The following CSMD1 variants were observed in gnomAD, a reference collection of about 807,000 sequenced individuals.
CSMD1 encodes the protein CUB and sushi domain-containing protein 1.
A neutral mutation model predicts 417.5 loss-of-function variants in CSMD1; 213 were observed. The observed-to-expected ratio is 0.51, with a 90% confidence interval of 0.46 to 0.57. The LOEUF (loss-of-function observed/expected upper bound fraction) is 0.57. CSMD1 is among the 20% of genes least tolerant of loss of function. The pLI is 0.00. For missense variants in CSMD1, 6,923 were observed against 4,529.7 expected, an observed-to-expected ratio of 1.53 and a Z score of -15.17; for synonymous variants, 2,862 against 1,736.8, an observed-to-expected ratio of 1.65 and a Z score of -16.11.
chr8:3,792,796 A>G (rs1456586348), intron 5 of CSMD1, among the ~76,000 whole-genome samples: 1 of 152,214 alleles, frequency 6.6e-6, no homozygotes, highest in Admixed American at 6.5e-5. Flanking sequence ...TTTAAGGCAT[A>G]TATTGATAAT....
intron 33 of CSMD1, among the ~76,000 whole-genome samples, chr8:3,195,842 A>C (rs1048595797): frequency 1.3e-5 from 2 of 152,218 alleles, no homozygotes; most frequent in African/African-American, 4.8e-5. Context: ...GTCTTCAAGA[A>C]AGCTTGCTAA....
intron 2 of CSMD1, among the ~76,000 whole-genome samples, chr8:4,428,682 A>C (rs143329111): frequency 2.6e-5 from 4 of 152,194 alleles, no homozygotes; most frequent in African/African-American, 9.6e-5. Context: ...TGTCATATTA[A>C]TAATCCAGGG....
intron 1 of CSMD1, among the ~76,000 whole-genome samples, chr8:4,964,152 T>C (rs865823477): frequency 6.6e-6 from 1 of 152,160 alleles, no homozygotes; most frequent in Middle Eastern, 3.4e-3. Context: ...TTCCAAAGAC[T>C]TCAGGACCAA....
In CSMD1 at chr8:3,384,979, G is replaced by C. The variant is rs1220637193; in HGVS notation, c.2782+2515C>G. Among the ~76,000 whole-genome samples, 6 of 111,612 alleles carry C rather than the reference G, an allele frequency of 5.4e-5. No individual in the cohort carries two copies. In the Admixed American group the frequency reaches 5.7e-4, roughly 11 times the overall value. The allele number at this position is 111,612 out of a possible 152,430, so 73.2% of individuals were successfully genotyped here. A position where few individuals can be genotyped will look rare whatever the true frequency, so the allele number is the denominator to read the frequency against. On this transcript the variant is annotated intron_variant, in intron 18 of 69. Coordinates refer to ENST00000635120, the MANE Select transcript of CSMD1 (RefSeq NM_033225.6). ...AATATATAATATATATGCATATATAGCATATATAATACATATGCTATTTAT... is the reference window on the plus strand; with the variant it reads ...AATATATAATATATATGCATATATACCATATATAATACATATGCTATTTAT...
chr8:3,345,186 C>G (rs1249545780), intron 22 of CSMD1, among the ~76,000 whole-genome samples: 2 of 152,180 alleles, frequency 1.3e-5, no homozygotes, highest in African/African-American at 2.4e-5. Flanking sequence ...TTCATCCGCT[C>G]TCCTGAATCT....
chr8:4,153,898 T>C (rs1289729406), intron 3 of CSMD1, among the ~76,000 whole-genome samples: 1 of 152,234 alleles, frequency 6.6e-6, no homozygotes. Context: ...CATCTCAGAT[T>C]CCATCATCTA....
chr8:4,980,830 G>C (rs1030515942), intron 1 of CSMD1, among the ~76,000 whole-genome samples: 7 of 152,000 alleles, frequency 4.6e-5, no homozygotes, highest in African/African-American at 1.7e-4. Flanking sequence ...CTTGATCCCA[G>C]GAAGTTGAGG....
rs185245027 is a variant in CSMD1 at position 4,376,602 on chromosome 8, T to A, written c.415+43351A>T. On this transcript the variant is annotated intron_variant, in intron 3 of 69. Transcript: ENST00000635120. ...TACAACATTGAGTTAGTCTGACAAT[T>A]TTTAGGGGGGAATTAAATAATATTT... Among the ~76,000 whole-genome samples the A allele has an allele frequency of 4.6e-5, 7 of 150,884 alleles. No individual in the cohort carries two copies. The East Asian group carries it at 1.4e-3, about 29-fold the overall frequency.
At chr8:4,097,094 G>A (rs1336501315) in intron 3 of CSMD1, among the ~76,000 whole-genome samples, 1 of 152,196 alleles carries the variant, frequency 6.6e-6, no homozygotes, top group Middle Eastern at 3.4e-3. Context: ...ACAAAAAGAA[G>A]CACGGCTGTG....
intron 7 of CSMD1, among the ~76,000 whole-genome samples, chr8:3,687,673 G>A (rs1030809245): frequency 6.6e-6 from 1 of 152,192 alleles, no homozygotes; most frequent in African/African-American, 2.4e-5. Context: ...CTAGGACCGA[G>A]GCTCCCTGAG....
intron 33 of CSMD1, among the ~76,000 whole-genome samples, chr8:3,190,702 A>G (rs1282682633): frequency 6.6e-6 from 1 of 152,246 alleles, no homozygotes; most frequent in Non-Finnish European, 1.5e-5. Flanking sequence ...TCATTGTAGC[A>G]TTCTTCAAAA....
At chr8:4,388,465 C>T (rs1205705262) in intron 3 of CSMD1, among the ~76,000 whole-genome samples, 1 of 151,198 alleles carries the variant, frequency 6.6e-6, no homozygotes, top group Non-Finnish European at 1.5e-5. Flanking sequence ...GAAAAACAAA[C>T]ATCATATGTT....
chr8:3,748,288 T>C (rs923114434), intron 6 of CSMD1, among the ~76,000 whole-genome samples: 1 of 152,206 alleles, frequency 6.6e-6, no homozygotes, highest in African/African-American at 2.4e-5. Flanking sequence ...TTAAGAATTA[T>C]TTAAAGGTTA....
At chr8:3,706,124 T>A (rs13275720) in intron 7 of CSMD1, among the ~76,000 whole-genome samples, 5 of 152,298 alleles carry the variant, frequency 3.3e-5, no homozygotes, top group Non-Finnish European at 7.3e-5. Context: ...CCCCGTGTGG[T>A]TCACTTCCCT....
chr8:3,429,582 G>T (rs1393846), intron 12 of CSMD1, among the ~76,000 whole-genome samples: 15,388 of 152,194 alleles, frequency 0.1, 833 homozygotes, highest in Middle Eastern at 0.19. Flanking sequence ...CACTCTGGGA[G>T]GGGTCAACAA....
In CSMD1 at chr8:4,693,384, G is replaced by A. The variant is rs374884029; in HGVS notation, c.86-55826C>T. ...AGTAGAGTGGAGAAAACAGCTGGAT[G>A]GTAGGAGGACTTCCTGGAGGTGTGT... is the stretch of plus-strand genomic sequence containing the variant. On this transcript the variant is annotated intron_variant, in intron 1 of 69. Coordinates refer to ENST00000635120, the MANE Select transcript of CSMD1 (RefSeq NM_033225.6). Among the ~76,000 whole-genome samples the A allele has an allele frequency of 1.9e-3, 295 of 152,306 alleles. 2 individuals are homozygous for A. Among genetic ancestry groups the A allele is most frequent in the African/African-American group, 6.0e-3 (251 of 41,568 alleles).
intron 3 of CSMD1, among the ~76,000 whole-genome samples, chr8:4,343,294 T>C (rs1249543589): frequency 1.3e-5 from 2 of 152,136 alleles, no homozygotes; most frequent in South Asian, 2.1e-4. Flanking sequence ...TAGAGAGATA[T>C]TGGCCAAAGG....
intron 3 of CSMD1, among the ~76,000 whole-genome samples, chr8:4,226,841 C>T (rs534651430): frequency 3.3e-5 from 5 of 152,168 alleles, no homozygotes; most frequent in Non-Finnish European, 5.9e-5. Flanking sequence ...AATGCAAATG[C>T]ATGTAGTCTC....
At chr8:3,251,038 C>G (rs1001544447) in intron 26 of CSMD1, among the ~76,000 whole-genome samples, 1 of 152,124 alleles carries the variant, frequency 6.6e-6, no homozygotes, top group Non-Finnish European at 1.5e-5. Flanking sequence ...ATGGTAGTTT[C>G]TTTTGCTGTG....
Sources: allele counts gnomAD v4.1 joint callset (sites outside exome capture counted in the v4.1 genomes callset), GRCh38; gene constraint gnomAD v4.1.1; transcripts MANE v1.5; gene names NCBI Gene and HGNC (gene_info 2026-07-23, HGNC 2026-07-21).